Variants in LDLRAD3 observed in about 807,000 individuals in gnomAD.
LDLRAD3 encodes the protein low-density lipoprotein receptor class A domain-containing protein 3.
Under a neutral mutation model 29.4 loss-of-function variants are expected in LDLRAD3, and 20 were observed. The observed-to-expected ratio is 0.68, with a 90% CI of 0.48 to 0.99. The LOEUF is 0.99. LDLRAD3 is among the 50% of genes least tolerant of loss of function. The pLI, the probability that LDLRAD3 is intolerant of heterozygous loss-of-function variation, is 0.00. For synonymous variants in LDLRAD3, 157 were observed against 192.7 expected (o/e 0.81, Z 1.53); for missense variants, 420 against 454.3 (o/e 0.92, Z 0.69).
intron 1 of LDLRAD3, among the ~76,000 whole-genome samples, chr11:35,950,479 T>C (rs1379999953): frequency 1.3e-5 from 2 of 152,176 alleles, no homozygotes; most frequent in Admixed American, 1.3e-4. Context: ...GACAATAGCC[T>C]TCTTTACCTT....
intron 2 of LDLRAD3, among the ~76,000 whole-genome samples, chr11:36,077,874 C>T (rs923733148): frequency 6.6e-6 from 1 of 152,164 alleles, no homozygotes; most frequent in African/African-American, 2.4e-5. Flanking sequence ...TGTTATAGCT[C>T]TTTTAGCCTT....
At chr11:36,041,878 TGA>T (rs1491423909) in intron 2 of LDLRAD3, among the ~76,000 whole-genome samples, 1 of 55,192 alleles carries the variant, frequency 1.8e-5, no homozygotes, top group Non-Finnish European at 7.4e-5. Context: ...TGTGTTTGGT[TGA>T]GGGGGGTGTG....
chr11:36,193,131 G>C (rs1177679410), intron 4 of LDLRAD3, among the ~76,000 whole-genome samples: 1 of 152,144 alleles, frequency 6.6e-6, no homozygotes, highest in Non-Finnish European at 1.5e-5. Context: ...ATCTCTCCGA[G>C]CCCCAGTTTC....
chr11:35,970,777 T>A (rs185649751), intron 1 of LDLRAD3, among the ~76,000 whole-genome samples: 3 of 152,220 alleles, frequency 2.0e-5, no homozygotes, highest in Non-Finnish European at 2.9e-5. Context: ...AGCAAGGTGG[T>A]AACTTTCTAA....
chr11:36,060,872 T>G (rs1465129792), intron 2 of LDLRAD3, among the ~76,000 whole-genome samples: 1 of 152,254 alleles, frequency 6.6e-6, no homozygotes, highest in Admixed American at 6.5e-5. Flanking sequence ...ATTTTCCACA[T>G]TTTAAACTAT....
At chr11:35,961,436 T>C (rs1474973000) in intron 1 of LDLRAD3, among the ~76,000 whole-genome samples, 10 of 152,210 alleles carry the variant, frequency 6.6e-5, no homozygotes, top group African/African-American at 2.4e-4. Context: ...CAGTGTGTTC[T>C]TTACCTGTAA....
chr11:36,162,389 C>G (rs929168852), intron 4 of LDLRAD3, among the ~76,000 whole-genome samples: 3 of 152,234 alleles, frequency 2.0e-5, no homozygotes, highest in African/African-American at 7.2e-5. Flanking sequence ...GTTTCTGTCA[C>G]TGTGCACCAT....
intron 4 of LDLRAD3, among the ~76,000 whole-genome samples, chr11:36,186,705 C>T (rs1854854503): frequency 6.6e-6 from 1 of 152,168 alleles, no homozygotes; most frequent in Admixed American, 6.5e-5. Flanking sequence ...GTATGAATCC[C>T]ATACTCACCA....
chr11:35,956,034 A>AT (rs1851196604), intron 1 of LDLRAD3, among the ~76,000 whole-genome samples: 1 of 152,228 alleles, frequency 6.6e-6, no homozygotes, highest in Non-Finnish European at 1.5e-5. Context: ...AGTTGGGCTT[A>AT]GTGAGTCTGA....
intron 1 of LDLRAD3, among the ~76,000 whole-genome samples, chr11:36,005,309 C>T (rs1174873911): frequency 6.6e-6 from 1 of 152,208 alleles, no homozygotes; most frequent in Non-Finnish European, 1.5e-5. Flanking sequence ...TTAGAAATTT[C>T]TTCTGTGAGA....
At position 35,946,111 on chromosome 11, in the gene LDLRAD3, A is replaced by C. The variant is rs1851053636; in HGVS notation, c.46+1967A>C. On this transcript the variant is annotated intron_variant, in intron 1 of 5. Transcript: ENST00000315571. ...CACTTTGACCCAAGTGTTGCCAGAA[A>C]CAGGGCTGGTCCTTTTTCCTAATGT... is the stretch of plus-strand genomic sequence containing the variant. Among the ~76,000 whole-genome samples, 2 of 152,180 alleles carry C rather than the reference A, an allele frequency of 1.3e-5. 1 individual carries two copies. Among genetic ancestry groups the C allele is most frequent in the South Asian group, 4.2e-4 (2 of 4,816 alleles).
At chr11:36,219,485 T>C (rs561656401) in intron 4 of LDLRAD3, among the ~76,000 whole-genome samples, 1 of 152,308 alleles carries the variant, frequency 6.6e-6, no homozygotes, top group Non-Finnish European at 1.5e-5. Flanking sequence ...ATAGATAGTC[T>C]AAGAATAGAC....
chr11:36,213,904 ACTCTTC>A lies in LDLRAD3; in HGVS notation c.455-13180_455-13175del, dbSNP rs1423403989. Among the ~76,000 whole-genome samples, 3 of 151,450 alleles carry A rather than the reference ACTCTTC, an allele frequency of 2.0e-5. No homozygotes were observed. Among genetic ancestry groups the A allele is most frequent in the Non-Finnish European group, 2.9e-5 (2 of 67,862 alleles). ...GTTTTAATCTAGTGTGAAGGGTCAG[ACTCTTC>A]GTCCAGGTAAAAGGAAACTACAGAA... is the stretch of plus-strand genomic sequence containing the variant. On this transcript the variant is annotated intron_variant, in intron 4 of 5. Transcript: ENST00000315571. The surrounding 1 kb of genome is among the most constrained non-coding windows in gnomAD (Gnocchi z 4.1).
chr11:36,049,487 G>A (rs919101487), intron 2 of LDLRAD3, among the ~76,000 whole-genome samples: 3 of 152,192 alleles, frequency 2.0e-5, no homozygotes, highest in African/African-American at 7.2e-5. Flanking sequence ...GGGAGTGGGA[G>A]GAGATGGGGG....
intron 4 of LDLRAD3, among the ~76,000 whole-genome samples, chr11:36,169,769 A>G (rs1038056831): frequency 2.0e-5 from 3 of 152,178 alleles, no homozygotes; most frequent in Non-Finnish European, 2.9e-5. Flanking sequence ...GAGTGCAGGC[A>G]TCTTTTCGGT....
chr11:36,141,032 CTCT>C (rs1854078151), intron 4 of LDLRAD3, among the ~76,000 whole-genome samples: 1 of 144,510 alleles, frequency 6.9e-6, no homozygotes, highest in African/African-American at 2.6e-5. Flanking sequence ...CTCTCTCTCT[CTCT>C]CCGTGTGGGG....
At chr11:36,171,939 C>T (rs984771516) in intron 4 of LDLRAD3, among the ~76,000 whole-genome samples, 3 of 152,134 alleles carry the variant, frequency 2.0e-5, no homozygotes, top group African/African-American at 7.2e-5. Context: ...AATATTCTAC[C>T]CATCCACAAG....
At chr11:35,955,802 T>C (rs1851193667) in intron 1 of LDLRAD3, among the ~76,000 whole-genome samples, 1 of 152,358 alleles carries the variant, frequency 6.6e-6, no homozygotes, top group African/African-American at 2.4e-5. Context: ...ATAGTTCTAA[T>C]GTTTTAAGTA....
intron 2 of LDLRAD3, among the ~76,000 whole-genome samples, chr11:36,061,574 C>G (rs2016191223): frequency 1.3e-5 from 2 of 152,152 alleles, no homozygotes; most frequent in African/African-American, 4.8e-5. Flanking sequence ...AACTGGGGAG[C>G]TCCATTACAA....
Sources: gnomAD v4.1 joint callset for allele counts (sites outside exome capture counted in the v4.1 genomes callset) on GRCh38, gnomAD v4.1.1 for gene constraint, Gnocchi (gnomAD v3.1) non-coding constraint, MANE v1.5 for transcripts, NCBI Gene and HGNC (gene_info 2026-07-23, HGNC 2026-07-21) for gene names.